Variants in IQSEC1 observed in about 807,000 individuals in gnomAD.
IQSEC1 encodes IQ motif and Sec7 domain ArfGEF 1.
A neutral mutation model predicts 91.0 loss-of-function variants in IQSEC1; 31 were observed. The observed-to-expected ratio is 0.34, with a 90% CI of 0.26 to 0.46. The LOEUF (loss-of-function observed/expected upper bound fraction) is 0.46. Ranked by LOEUF, IQSEC1 falls within the 20% of genes least tolerant of loss-of-function variation. IQSEC1 has a pLI of 1.00. For missense variants in IQSEC1, 1,388 were observed against 1,575.6 expected (o/e 0.88, Z 2.02); for synonymous variants, 699 against 662.6 (o/e 1.05, Z -0.84).
intron 2 of IQSEC1, among the ~76,000 whole-genome samples, chr3:13,149,308 C>T (rs1351695958): frequency 1.3e-5 from 2 of 152,010 alleles, no homozygotes; most frequent in East Asian, 1.9e-4. Context: ...AGCCTGGGTC[C>T]GCAGGATTTG....
At chr3:13,046,821 C>T (rs1704513018) in intron 1 of IQSEC1, among the ~76,000 whole-genome samples, 1 of 152,202 alleles carries the variant, frequency 6.6e-6, no homozygotes. Context: ...CATCGATGCA[C>T]CGAACACAGC....
chr3:13,129,452 G>A (rs1706569787), intron 2 of IQSEC1, among the ~76,000 whole-genome samples: 1 of 152,084 alleles, frequency 6.6e-6, no homozygotes, highest in African/African-American at 2.4e-5. Context: ...TTGATCGTCG[G>A]TATGGTTTTT....
At position 13,103,947 on chromosome 3, in the gene IQSEC1, A is replaced by ACC. The variant is rs1706105376; in HGVS notation, c.303-56426_303-56425insGG. ...TATTTAATCTTCACGGCACTCCCTG[A>ACC]GGTGGGTGCTACTAGTATCTTCATT... On this transcript the variant is annotated intron_variant, in intron 2 of 15. Transcript: ENST00000648114. This position sits in a 1 kb window ranked among gnomAD's most constrained non-coding sequence, Gnocchi z 4.1. 6.6e-6 allele frequency among the ~76,000 whole-genome samples: 1 copy of ACC among 152,150 alleles called. No homozygotes were observed. Among genetic ancestry groups the ACC allele is most frequent in the Non-Finnish European group, 1.5e-5 (1 of 68,022 alleles).
chr3:13,056,570 C>T (rs1704889819), intron 1 of IQSEC1, among the ~76,000 whole-genome samples: 1 of 152,086 alleles, frequency 6.6e-6, no homozygotes, highest in Non-Finnish European at 1.5e-5. Context: ...CAAGCCTCCT[C>T]AGCAGATACA....
intron 1 of IQSEC1, among the ~76,000 whole-genome samples, chr3:13,267,604 CT>C (rs1292718661): frequency 5.5e-5 from 8 of 145,848 alleles, no homozygotes; most frequent in East Asian, 2.0e-4. Flanking sequence ...CAGCAAATTT[CT>C]TTTTTTTTTC....
At chr3:13,131,391 A>AG (rs1706613385) in intron 2 of IQSEC1, among the ~76,000 whole-genome samples, 1 of 151,366 alleles carries the variant, frequency 6.6e-6, no homozygotes, top group South Asian at 2.1e-4. Context: ...TAAAAAAAAA[A>AG]TCTAACCTAA....
At chr3:13,217,581 T>C (rs56078219) in intron 1 of IQSEC1, among the ~76,000 whole-genome samples, 70,038 of 152,036 alleles carry the variant, frequency 0.46, 16,931 homozygotes, top group African/African-American at 0.62. Context: ...CCTCCACAGC[T>C]GGTCCAGAAG....
intron 1 of IQSEC1, among the ~76,000 whole-genome samples, chr3:13,056,281 T>C (rs923110290): frequency 6.6e-6 from 1 of 152,114 alleles, no homozygotes; most frequent in Non-Finnish European, 1.5e-5. Flanking sequence ...CCTGCAATCC[T>C]TGGAGTTCAG....
intron 1 of IQSEC1, among the ~76,000 whole-genome samples, chr3:12,997,759 C>G (rs994054854): frequency 6.6e-6 from 1 of 152,112 alleles, no homozygotes; most frequent in African/African-American, 2.4e-5. Context: ...ACATGAACAA[C>G]TCAAAATAAA....
At chr3:13,053,047 AC>A in intron 1 of IQSEC1, 1 of 1,113,882 alleles carries the variant, frequency 9.0e-7, no homozygotes, top group Non-Finnish European at 1.4e-6. Context: ...ATCCGAATCC[AC>A]GGGGGAATGG....
At chr3:12,986,740 G>A (rs1240454817) in intron 1 of IQSEC1, among the ~76,000 whole-genome samples, 1 of 152,178 alleles carries the variant, frequency 6.6e-6, no homozygotes, top group Admixed American at 6.5e-5. Context: ...CACTGAAGAG[G>A]ACGAGGAGCT....
rs71306039 is a variant in IQSEC1 at position 13,104,095 on chromosome 3, C to T, written c.303-56573G>A. On this transcript the variant is annotated intron_variant, in intron 2 of 15. Transcript: ENST00000648114. ...TGTCTCTAGAGCTGTTGCTACTAATCGCCCCACTCTTCCTTACCTGCTCCC... is the reference window on the plus strand; with the variant it reads ...TGTCTCTAGAGCTGTTGCTACTAATTGCCCCACTCTTCCTTACCTGCTCCC... Among the ~76,000 whole-genome samples the T allele has an allele frequency of 6.5e-3, 993 of 152,240 alleles. 5 individuals are homozygous for T. The highest frequency in any genetic ancestry group is 9.8e-3 in the Non-Finnish European group (668 of 68,008).
At chr3:13,039,918 T>C (rs111675395) in intron 1 of IQSEC1, among the ~76,000 whole-genome samples, 2,796 of 152,340 alleles carry the variant, frequency 0.018, 101 homozygotes, top group African/African-American at 0.063. Context: ...CACCACCGAC[T>C]GGCCATGAGC....
rs1161308334 is a variant in IQSEC1 at position 13,259,951 on chromosome 3, C to G, written c.272+22760G>C. ...AAGCAGATCTGCTTTCAAAATATGA[C>G]TAATTAGAACAGTCGTGCTGGCAGG... On this transcript the variant is annotated intron_variant, in intron 1 of 15. Transcript: ENST00000648114. This position sits in a 1 kb window ranked among gnomAD's most constrained non-coding sequence, Gnocchi z 4.6. Among the ~76,000 whole-genome samples, 2 of 152,250 alleles carry G rather than the reference C, an allele frequency of 1.3e-5. No individual in the cohort carries two copies. Among genetic ancestry groups the G allele is most frequent in the East Asian group, 3.8e-4 (2 of 5,200 alleles).
intron 1 of IQSEC1, among the ~76,000 whole-genome samples, chr3:12,986,667 C>T (rs890403124): frequency 1.3e-5 from 2 of 152,158 alleles, no homozygotes; most frequent in African/African-American, 4.8e-5. Flanking sequence ...GGGAAAGGCA[C>T]CAGGGTCTAG....
In IQSEC1 at chr3:12,970,721, G is replaced by A. The variant is rs935754960; in HGVS notation, c.24-28856C>T. ...CCCACTGTGCCTGGCTCACAGCTAG[G>A]ACCTTGGTTTTCAGCTTCCTATGTC... On this transcript the variant is annotated intron_variant, in intron 1 of 13. Coordinates refer to ENST00000613206, the MANE Select transcript of IQSEC1 (RefSeq NM_001134382.3). The surrounding 1 kb of genome is among the most constrained non-coding windows in gnomAD (Gnocchi z 4.4). 8.5e-5 allele frequency among the ~76,000 whole-genome samples: 13 copies of A among 152,186 alleles called. No homozygotes were observed. The highest frequency in any genetic ancestry group is 3.1e-4 in the African/African-American group (13 of 41,438).
intron 1 of IQSEC1, among the ~76,000 whole-genome samples, chr3:13,050,569 A>G (rs1311689553): frequency 6.6e-6 from 1 of 152,268 alleles, no homozygotes; most frequent in East Asian, 1.9e-4. Flanking sequence ...GTAAGAGCTT[A>G]AAGGTTAACA....
intron 1 of IQSEC1, among the ~76,000 whole-genome samples, chr3:12,988,456 A>G (rs562068975): frequency 6.6e-6 from 1 of 152,320 alleles, no homozygotes; most frequent in East Asian, 1.9e-4. Flanking sequence ...CAATAAAAAT[A>G]AAAGAATGAA....
chr3:13,204,889 C>T (rs1694315366), intron 1 of IQSEC1, among the ~76,000 whole-genome samples: 1 of 151,626 alleles, frequency 6.6e-6, no homozygotes, highest in Non-Finnish European at 1.5e-5. Flanking sequence ...CAACCTCTGC[C>T]TCCTGGGTTC....
Sources: allele counts gnomAD v4.1 joint callset (sites outside exome capture counted in the v4.1 genomes callset), GRCh38; gene constraint gnomAD v4.1.1; non-coding constraint Gnocchi (gnomAD v3.1); transcripts MANE v1.5; gene names NCBI Gene and HGNC (gene_info 2026-07-23, HGNC 2026-07-21).